Variants in GSG1L observed in about 807,000 individuals in gnomAD.
GSG1L encodes germ cell-specific gene 1-like protein.
Under a neutral mutation model 42.1 loss-of-function variants are expected in GSG1L, and 24 were observed. That is an observed-to-expected ratio of 0.57 (90% CI 0.41 to 0.80). The LOEUF (loss-of-function observed/expected upper bound fraction) is 0.80, where lower values mean the gene tolerates loss of function less well. Among genes scored for constraint, GSG1L ranks in the 30% least tolerant of loss-of-function variants. The pLI is 0.00. For synonymous variants in GSG1L, 215 were observed against 203.5 expected, an observed-to-expected ratio of 1.06 and a Z score of -0.48; for missense variants, 445 against 472.2, an observed-to-expected ratio of 0.94 and a Z score of 0.53.
At chr16:27,984,985 T>C (rs2085364849) in intron 1 of GSG1L, among the ~76,000 whole-genome samples, 1 of 152,142 alleles carries the variant, frequency 6.6e-6, no homozygotes, top group South Asian at 2.1e-4. Context: ...CTCGAGCTCC[T>C]GGCCTCAAGC....
intron 1 of GSG1L, among the ~76,000 whole-genome samples, chr16:28,001,473 G>T (rs188878971): frequency 1.3e-5 from 2 of 152,298 alleles, no homozygotes; most frequent in East Asian, 3.9e-4. Flanking sequence ...TATGTCAAGG[G>T]ACCATTGTGT....
intron 3 of GSG1L, among the ~76,000 whole-genome samples, chr16:27,874,079 AC>A (rs950023307): frequency 6.6e-6 from 1 of 152,162 alleles, no homozygotes; most frequent in African/African-American, 2.4e-5. Context: ...CTGTCTCCCC[AC>A]CCAGGACCCT....
rs116381788 is a variant in GSG1L at position 27,861,490 on chromosome 16, C to T, written c.551-16429G>A. 2.1e-3 allele frequency among the ~76,000 whole-genome samples: 317 copies of T among 152,250 alleles called. 1 individual carries two copies. Among genetic ancestry groups the T allele is most frequent in the African/African-American group, 7.1e-3 (293 of 41,530 alleles). On this transcript the variant is annotated intron_variant, in intron 3 of 6. Transcript: ENST00000447459. ...AAACTGAAATGCACTTTCCTTTTGACCCAGCAATTCCACCTCTAGGAATTT... is the reference window on the plus strand; with the variant it reads ...AAACTGAAATGCACTTTCCTTTTGATCCAGCAATTCCACCTCTAGGAATTT...
chr16:27,901,601 C>A (rs1455747839), intron 2 of GSG1L, among the ~76,000 whole-genome samples: 1 of 152,246 alleles, frequency 6.6e-6, no homozygotes, highest in Non-Finnish European at 1.5e-5. Context: ...CCTGTGGAAT[C>A]TGATGCTGCA....
chr16:27,938,484 C>T (rs2084746126), intron 2 of GSG1L, among the ~76,000 whole-genome samples: 1 of 145,226 alleles, frequency 6.9e-6, no homozygotes, highest in Non-Finnish European at 1.5e-5. Flanking sequence ...AGACAAATGT[C>T]CCTGGAAACA....
intron 2 of GSG1L, among the ~76,000 whole-genome samples, chr16:27,909,444 T>C (rs1596605249): frequency 6.9e-6 from 1 of 145,636 alleles, no homozygotes; most frequent in East Asian, 2.0e-4. Context: ...AGCGGTGTAG[T>C]GGTGTGATTA....
At chr16:27,874,769 A>G (rs1567498954) in intron 3 of GSG1L, among the ~76,000 whole-genome samples, 1 of 152,276 alleles carries the variant, frequency 6.6e-6, no homozygotes, top group Admixed American at 6.5e-5. Flanking sequence ...TGTATTCTTT[A>G]TAATACAGCT....
chr16:28,046,649 C>A (rs931169860), intron 1 of GSG1L, among the ~76,000 whole-genome samples: 1 of 152,130 alleles, frequency 6.6e-6, no homozygotes, highest in African/African-American at 2.4e-5. Flanking sequence ...CCACCAAGCC[C>A]GGCCCGAAAT....
At chr16:27,803,755 C>T (rs559726603) in intron 6 of GSG1L, among the ~76,000 whole-genome samples, 91 of 134,228 alleles carry the variant, frequency 6.8e-4, no homozygotes, top group African/African-American at 2.3e-3. Context: ...ATCCTTTTCC[C>T]ACAGTGCAGA....
At chr16:27,816,386 C>T (rs1470461406) in intron 5 of GSG1L, among the ~76,000 whole-genome samples, 1 of 152,176 alleles carries the variant, frequency 6.6e-6, no homozygotes, top group African/African-American at 2.4e-5. Context: ...CAGAGTCCCC[C>T]AAACTGGGGA....
intron 2 of GSG1L, among the ~76,000 whole-genome samples, chr16:27,924,615 G>A (rs2084570376): frequency 6.6e-6 from 1 of 152,096 alleles, no homozygotes; most frequent in African/African-American, 2.4e-5. Context: ...TGTTGCCCTT[G>A]TATCTGCAGG....
In GSG1L at chr16:28,057,640, G is replaced by A. The variant is rs145042064; in HGVS notation, c.349+5436C>T. 5.9e-5 allele frequency among the ~76,000 whole-genome samples: 9 copies of A among 152,058 alleles called. No homozygotes were observed. The East Asian group carries it at 1.4e-3, about 23-fold the overall frequency. On this transcript the variant is annotated intron_variant, in intron 1 of 6. Coordinates refer to ENST00000447459, the MANE Select transcript of GSG1L (RefSeq NM_001109763.2). Reference sequence around the variant, plus strand: ...GATACACGGTTCAGATGTGATGCACGGGCCACCTGTCTGCAGCCTCGGGTC... The same window carrying A: ...GATACACGGTTCAGATGTGATGCACAGGCCACCTGTCTGCAGCCTCGGGTC...
At chr16:27,942,186 A>G (rs1177157170) in intron 2 of GSG1L, among the ~76,000 whole-genome samples, 1 of 128,058 alleles carries the variant, frequency 7.8e-6, no homozygotes, top group African/African-American at 3.0e-5. Flanking sequence ...GTCTTGCTCT[A>G]TTCCCCAGGC....
chr16:28,015,926 A>C (rs533600261), intron 1 of GSG1L, among the ~76,000 whole-genome samples: 1 of 152,336 alleles, frequency 6.6e-6, no homozygotes, highest in South Asian at 2.1e-4. Flanking sequence ...AAGAAGCTAC[A>C]AAGTCCTTCC....
intron 1 of GSG1L, among the ~76,000 whole-genome samples, chr16:27,985,982 T>A (rs992376776): frequency 1.3e-5 from 2 of 152,210 alleles, no homozygotes; most frequent in Non-Finnish European, 1.5e-5. Context: ...AGAAGGTTTC[T>A]CTGTGGTCTA....
chr16:27,958,173 G>A (rs2141102467), intron 2 of GSG1L, among the ~76,000 whole-genome samples: 1 of 152,214 alleles, frequency 6.6e-6, no homozygotes, highest in South Asian at 2.1e-4. Context: ...GGAGGCTGAG[G>A]TGGGCAGGCC....
intron 6 of GSG1L, among the ~76,000 whole-genome samples, chr16:27,794,894 A>G (rs1478152937): frequency 6.6e-6 from 1 of 151,794 alleles, no homozygotes; most frequent in Non-Finnish European, 1.5e-5. Context: ...ATTTTTTCAA[A>G]TGCTGCCTGC....
intron 2 of GSG1L, among the ~76,000 whole-genome samples, chr16:27,893,918 A>C (rs1033203699): frequency 6.6e-6 from 1 of 152,046 alleles, no homozygotes; most frequent in East Asian, 1.9e-4. Flanking sequence ...ACATGCAGCT[A>C]ATTTTCTTAT....
intron 2 of GSG1L, among the ~76,000 whole-genome samples, chr16:27,919,474 A>G (rs767427277): frequency 1.3e-5 from 2 of 152,166 alleles, no homozygotes; most frequent in South Asian, 2.1e-4. Flanking sequence ...GGATCTCCCT[A>G]CGGGGATGAC....
Sources: allele counts gnomAD v4.1 joint callset (sites outside exome capture counted in the v4.1 genomes callset), GRCh38; gene constraint gnomAD v4.1.1; transcripts MANE v1.5; gene names NCBI Gene and HGNC (gene_info 2026-07-23, HGNC 2026-07-21).